The following BPTF variants were observed in gnomAD, a reference collection of about 807,000 sequenced individuals.
BPTF encodes the protein nucleosome-remodeling factor subunit BPTF.
In BPTF, 18 loss-of-function variants were observed where a neutral mutation model predicts 292.5. The ratio of observed to expected loss-of-function variants is 0.06; its 90% CI spans 0.04 to 0.09. BPTF has a LOEUF of 0.09. Among genes scored for constraint, BPTF ranks in the 10% least tolerant of loss-of-function variants. The probability of loss-of-function intolerance (pLI) is 1.00; values close to 1 mark genes in which losing one functional copy is unlikely to be tolerated. For synonymous variants in BPTF, 1,225 were observed against 1,251.9 expected, an observed-to-expected ratio of 0.98 and a Z score of 0.45; for missense variants, 2,726 against 3,498.7, an observed-to-expected ratio of 0.78 and a Z score of 5.57.
rs778763746 is a variant in BPTF at position 67,911,570 on chromosome 17, T to C, written c.3686T>C (p.Leu1229Ser). Residue 1229 changes from leucine (L) to serine (S), a missense_variant, in exon 11 of 28, where the codon TTG (leucine) becomes TCG (serine). By Grantham distance (145) the Leu-to-Ser change is moderately radical. This residue lies in a region of BPTF where 713 missense variants were observed against 714.9 expected (regional missense o/e 1.00). Transcript: ENST00000306378. The stretch of plus-strand genomic sequence containing the variant: ...GCCAGTGCAGATGATATTGGTACTT[T>C]GATCTGTAAGAACAAAAAACCGCTC... ...KLASADDIGTLICKNKKPLIQ... is the reference protein window; with the variant it reads ...KLASADDIGTSICKNKKPLIQ... 15 of 1,614,040 alleles carry C rather than the reference T, an allele frequency of 9.3e-6. No homozygotes were observed. The highest frequency in any genetic ancestry group is 1.6e-4 in the Middle Eastern group (1 of 6,084).
chr17:67,927,792 G>A (rs545044429), intron 15 of BPTF, among the ~76,000 whole-genome samples: 11 of 152,258 alleles, frequency 7.2e-5, no homozygotes, highest in African/African-American at 2.6e-4. Flanking sequence ...TGTAATATAT[G>A]TGGTATAGAG....
At chr17:67,934,617 T>C (rs571571790) in intron 18 of BPTF, among the ~76,000 whole-genome samples, 19 of 152,166 alleles carry the variant, frequency 1.2e-4, no homozygotes, top group South Asian at 1.0e-3. Flanking sequence ...GGCTCACTCC[T>C]GTAATCCCAG....
At chr17:67,853,026 C>A (rs2058502536) in intron 1 of BPTF, among the ~76,000 whole-genome samples, 1 of 152,190 alleles carries the variant, frequency 6.6e-6, no homozygotes, top group Non-Finnish European at 1.5e-5. Flanking sequence ...GTCCCAGCTA[C>A]TCAGGAGGCT....
At chr17:67,915,244 T>G (rs961201766) in intron 11 of BPTF, among the ~76,000 whole-genome samples, 3 of 152,192 alleles carry the variant, frequency 2.0e-5, no homozygotes, top group African/African-American at 7.2e-5. Context: ...GCCCTGATTC[T>G]GTGCTTCATT....
chr17:67,912,840 G>A lies in BPTF; in HGVS notation c.4956G>A (p.Gln1652=). 6.2e-7 allele frequency: 1 copy of A among 1,614,174 alleles called. No individual in the cohort carries two copies. The highest frequency in any genetic ancestry group is 8.5e-7 in the Non-Finnish European group (1 of 1,180,036). Residue 1652 remains glutamine (Q), a synonymous_variant, in exon 11 of 28, where the codon CAG becomes CAA. Coordinates refer to ENST00000306378, the MANE Select transcript of BPTF (RefSeq NM_182641.4). ...TGGACATCATCTCTGTAAAGGAGCA[G>A]AGCAAAACCGTGGTCACCACGACAG... The part of the protein sequence containing the change: ...GSVDIISVKE[Q]SKTVVTTTVT...
At position 67,853,988 on chromosome 17, in the gene BPTF, A is replaced by T; in HGVS notation, c.662A>T (p.Glu221Val). Residue 221 changes from glutamate (E) to valine (V), a missense_variant, in exon 2 of 28, where the codon GAA (glutamate) becomes GTA (valine). Around this residue, in one of 22 missense-constraint regions of BPTF, gnomAD observed 153 missense variants for 178.3 expected, o/e 0.86. Coordinates refer to ENST00000306378, the MANE Select transcript of BPTF (RefSeq NM_182641.4). Reference sequence around the variant, plus strand: ...CGGCCTCGTTCTCCTATATTGGAAGAAAAAGACATCCCGCCCCTTGAATTT... The same window carrying T: ...CGGCCTCGTTCTCCTATATTGGAAGTAAAAGACATCCCGCCCCTTGAATTT... ...VHRPRSPILE[E>V]KDIPPLEFPK... 1 of 1,614,152 alleles carries T rather than the reference A, an allele frequency of 6.2e-7. No individual in the cohort carries two copies.
rs768515157 is a variant in BPTF at position 67,911,962 on chromosome 17, AAAC to A, written c.4079_4081del (p.Lys1360_Pro1361delinsThr). On this transcript the variant is annotated inframe_deletion, in exon 11 of 28. Transcript: ENST00000306378. ...CAAGGGGACTGAAGCAAATGGTAAA[AAAC>A]CAAGTCAGCAGAAGAAATTAGAGGA... The A allele has an allele frequency of 3.8e-5, 62 of 1,614,058 alleles. No individual in the cohort carries two copies. The highest frequency in any genetic ancestry group is 5.0e-5 in the Non-Finnish European group (59 of 1,180,050).
chr17:67,934,481 T>G (rs2064729033), intron 18 of BPTF, among the ~76,000 whole-genome samples: 1 of 150,956 alleles, frequency 6.6e-6, no homozygotes. Context: ...ATTGCACCAC[T>G]GCACTGCAGC....
At chr17:67,829,730 C>A (rs909355765) in intron 1 of BPTF, among the ~76,000 whole-genome samples, 1 of 152,074 alleles carries the variant, frequency 6.6e-6, no homozygotes, top group African/African-American at 2.4e-5. Context: ...ACTGTGAAGG[C>A]TGAAAGAGGA....
intron 13 of BPTF, among the ~76,000 whole-genome samples, chr17:67,921,886 G>C (rs1020551036): frequency 2.0e-5 from 3 of 152,064 alleles, no homozygotes; most frequent in Admixed American, 1.3e-4. Flanking sequence ...ACAGAAATTA[G>C]CGGGACATGG....
At chr17:67,910,819 TA>T in intron 10 of BPTF, 57 bp from the exon 11 acceptor site, 2 of 1,241,604 alleles carry the variant, frequency 1.6e-6, no homozygotes, top group Non-Finnish European at 2.1e-6. Context: ...AATATATATA[TA>T]TAAATTCCTC....
At position 67,944,264 on chromosome 17, in the gene BPTF, C is replaced by G; in HGVS notation, c.6592C>G (p.Gln2198Glu). The G allele has an allele frequency of 6.2e-7, 1 of 1,614,068 alleles. No individual in the cohort carries two copies. Among genetic ancestry groups the G allele is most frequent in the Middle Eastern group, 1.7e-4 (1 of 6,060 alleles). The change falls in exon 20 of 28, where the codon CAA (glutamine) becomes GAA (glutamate). Residue 2198 changes from glutamine (Q) to glutamate (E), a missense_variant. Coordinates refer to ENST00000306378, the MANE Select transcript of BPTF (RefSeq NM_182641.4). ...VLPGPGQQLM[Q>E]AAMPNGTVQR... ...CCCAGGCCCAGGCCAGCAGCTAATGCAAGCTGCAATGCCAAATGGTACTGT... is the reference window on the plus strand; with the variant it reads ...CCCAGGCCCAGGCCAGCAGCTAATGGAAGCTGCAATGCCAAATGGTACTGT...
At chr17:67,858,676 G>C (rs114438238) in intron 2 of BPTF, among the ~76,000 whole-genome samples, 19,152 of 150,360 alleles carry the variant, frequency 0.13, no homozygotes, top group East Asian at 0.23. Context: ...GCAGTTAGCA[G>C]GTCACGTTCA....
chr17:67,961,862 T>C (rs2067530636), intron 24 of BPTF, among the ~76,000 whole-genome samples: 1 of 151,858 alleles, frequency 6.6e-6, no homozygotes, highest in Admixed American at 6.6e-5. Flanking sequence ...TAATCCCAGC[T>C]ACTCGGGAGG....
intron 23 of BPTF, among the ~76,000 whole-genome samples, chr17:67,953,575 A>ATT (rs61682820): frequency 0.019 from 2,549 of 133,872 alleles, 65 homozygotes; most frequent in African/African-American, 0.055. Flanking sequence ...TTGTTCTATA[A>ATT]TTTTTTTTTT....
At chr17:67,981,645 C>G (rs2070377396) in intron 27 of BPTF, 1 of 1,022,166 alleles carries the variant, frequency 9.8e-7, no homozygotes, top group African/African-American at 1.7e-5. Context: ...AAATTGTAAA[C>G]TCTTGGAATA....
chr17:67,843,283 T>C (rs1272989848), intron 1 of BPTF, among the ~76,000 whole-genome samples: 2 of 150,404 alleles, frequency 1.3e-5, no homozygotes, highest in Non-Finnish European at 3.0e-5. Context: ...TATAGATATG[T>C]AGACATAGAT....
chr17:67,956,181 TGA>T (rs1555680901), intron 23 of BPTF: 1 of 151,256 alleles, frequency 6.6e-6, no homozygotes, highest in African/African-American at 2.4e-5. Context: ...TAGCCGGGCG[TGA>T]TGGCGGGCGC....
intron 11 of BPTF, among the ~76,000 whole-genome samples, chr17:67,917,178 G>C (rs965832063): frequency 7.8e-6 from 1 of 127,706 alleles, no homozygotes; most frequent in Non-Finnish European, 1.7e-5. Flanking sequence ...TGCCGCCCGA[G>C]GTGGAGTGCA....
Sources: allele counts gnomAD v4.1 joint callset (sites outside exome capture counted in the v4.1 genomes callset), GRCh38; gene constraint gnomAD v4.1.1; regional missense constraint gnomAD v4.1.1; transcripts MANE v1.5; gene names NCBI Gene and HGNC (gene_info 2026-07-23, HGNC 2026-07-21).